Variants in ARL17B observed in about 807,000 individuals in gnomAD.
ARL17B encodes ARF like GTPase 17B, also known as ADP-ribosylation factor-like protein 17.
intron 4 of ARL17B, among the ~76,000 whole-genome samples, chr17:46,287,894 G>GT (rs1363481570): frequency 3.9e-5 from 6 of 152,230 alleles, no homozygotes; most frequent in Non-Finnish European, 5.9e-5. Flanking sequence ...AAAAGTAAAT[G>GT]TAACAAACGC....
In ARL17B at chr17:46,280,569, C is replaced by CTTTTTTTT. The variant is rs56981193; in HGVS notation, c.*22-5159_*22-5152dup. Reference sequence around the variant, plus strand: ...TTGTTTCCTTATTTTTGATAGCACACTTTTTTTTTTTTTTTTTTTTCCTGA... The same window carrying CTTTTTTTT: ...TTGTTTCCTTATTTTTGATAGCACACTTTTTTTTTTTTTTTTTTTTTTTTTTTTCCTGA... On this transcript the variant is annotated intron_variant, in intron 4 of 4. Transcript: ENST00000570618. 1.3e-4 allele frequency among the ~76,000 whole-genome samples: 15 copies of CTTTTTTTT among 112,014 alleles called. 1 individual carries two copies. The highest frequency in any genetic ancestry group is 2.2e-4 in the Non-Finnish European group (13 of 58,780). The allele number at this position is 112,014 out of a possible 152,430, so 73.5% of individuals were successfully genotyped here.
chr17:46,308,924 A>AT (rs1218137293), intron 3 of ARL17B, among the ~76,000 whole-genome samples: 2 of 66,452 alleles, frequency 3.0e-5, no homozygotes, highest in African/African-American at 7.7e-5. Flanking sequence ...TGTAGTCATA[A>AT]TTTTTTTAAT....
At chr17:46,287,732 G>T (rs77471755) in intron 4 of ARL17B, among the ~76,000 whole-genome samples, 2 of 151,884 alleles carry the variant, frequency 1.3e-5, no homozygotes, top group Admixed American at 6.6e-5. Context: ...CAACATCGGG[G>T]ACATGGTATG....
chr17:46,275,336 C>A, exon 5 of ARL17B: 1 of 890,358 alleles, frequency 1.1e-6, no homozygotes, highest in Non-Finnish European at 1.7e-6. Flanking sequence ...ATAGTTCAGG[C>A]AACAAGATTC....
chr17:46,288,582 G>A (rs977416095), intron 4 of ARL17B, among the ~76,000 whole-genome samples: 11 of 151,936 alleles, frequency 7.2e-5, no homozygotes, highest in African/African-American at 2.4e-4. Flanking sequence ...ACAGGTGTGA[G>A]CCACAGGGCC....
At chr17:46,332,589 A>G (rs758004963), downstream of ARL17B, 6 of 1,292,328 alleles carry the variant, frequency 4.6e-6, 1 homozygote, top group Admixed American at 3.9e-5. Flanking sequence ...TATACTGACA[A>G]ACTCATCTTG....
chr17:46,281,433 A>C, intron 4 of ARL17B, among the ~76,000 whole-genome samples: 1 of 151,934 alleles, frequency 6.6e-6, no homozygotes, highest in African/African-American at 2.4e-5. Context: ...TCTGTGATTC[A>C]GGCTGGAGAG....
At chr17:46,308,948 A>C (rs1211668698) in intron 3 of ARL17B, among the ~76,000 whole-genome samples, 1 of 68,108 alleles carries the variant, frequency 1.5e-5, no homozygotes, top group African/African-American at 3.8e-5. Flanking sequence ...TTTACTAGAT[A>C]AGGCTCAGGC....
In ARL17B at chr17:46,311,084, A is replaced by T. The variant is rs1229081504; in HGVS notation, c.260-11419T>A. 796 of 226,900 alleles carry T rather than the reference A, an allele frequency of 3.5e-3. 51 individuals are homozygous for T. Among genetic ancestry groups the T allele is most frequent in the African/African-American group, 0.033 (712 of 21,620 alleles). The allele number at this position is 226,900 out of a possible 1,614,324, so 14.1% of individuals were successfully genotyped here. A position where few individuals can be genotyped will look rare whatever the true frequency, so the allele number is the denominator to read the frequency against. On this transcript the variant is annotated intron_variant, in intron 3 of 4. Coordinates refer to the ARL17B transcript ENST00000434041. ...GAGGTGGAGTTTGCAGTGAGCCAAG[A>T]TCACACCACTGCACTGCACTCCAGC...
rs1427792992 is a variant in ARL17B, at chr17:46,350,349, AT to A, written c.259+2470del. Among the ~76,000 whole-genome samples, 24 of 81,814 alleles carry A rather than the reference AT, an allele frequency of 2.9e-4. 5 individuals are homozygous for A. The highest frequency in any genetic ancestry group is 8.2e-4 in the African/African-American group (24 of 29,098). The allele number at this position is 81,814 out of a possible 152,430, so 53.7% of individuals were successfully genotyped here. On this transcript the variant is annotated intron_variant, in intron 3 of 3. Transcript: ENST00000450673. The stretch of plus-strand genomic sequence containing the variant: ...TTATATATACTTTGCCACAATAAAA[AT>A]TTTTTTAAAAATGTCTAAGTGTGAC...
chr17:46,281,891 G>T lies in ARL17B; in HGVS notation c.*22-6473C>A, dbSNP rs745976563. ...ACTCCTGACCTCAGGTGATCCACCCGCCTCGGCCTCCCAAAGTGCTGGGAT... is the reference window on the plus strand; with the variant it reads ...ACTCCTGACCTCAGGTGATCCACCCTCCTCGGCCTCCCAAAGTGCTGGGAT... On this transcript the variant is annotated intron_variant, in intron 4 of 4. Transcript: ENST00000570618. Among the ~76,000 whole-genome samples, 72 of 152,138 alleles carry T rather than the reference G, an allele frequency of 4.7e-4. 1 individual carries two copies. Among genetic ancestry groups the T allele is most frequent in the Non-Finnish European group, 1.3e-4 (9 of 68,030 alleles).
chr17:46,288,792 C>T (rs1182437249), intron 4 of ARL17B, among the ~76,000 whole-genome samples: 1 of 151,840 alleles, frequency 6.6e-6, no homozygotes, highest in Non-Finnish European at 1.5e-5. Flanking sequence ...TACCCTGCAC[C>T]TCCCAGGCTC....
intron 4 of ARL17B, among the ~76,000 whole-genome samples, chr17:46,291,752 T>C (rs1480836384): frequency 2.5e-3 from 385 of 151,238 alleles, no homozygotes; most frequent in Non-Finnish European, 4.4e-3. Flanking sequence ...TGGCAAAACC[T>C]TGTCTCTACA....
rs374259163 is a variant in ARL17B at position 46,276,079 on chromosome 17, C to T, written c.*22-661G>A. 9.9e-5 allele frequency among the ~76,000 whole-genome samples: 15 copies of T among 152,260 alleles called. No homozygotes were observed. The East Asian group carries it at 1.4e-3, about 14-fold the overall frequency. Reference sequence around the variant, plus strand: ...CTAATTTTTGTACTTTTTGTAGAGACGAGGTTTCACCATGTTGGCCAGGCT... The same window carrying T: ...CTAATTTTTGTACTTTTTGTAGAGATGAGGTTTCACCATGTTGGCCAGGCT... On this transcript the variant is annotated intron_variant, in intron 4 of 4. Coordinates refer to the ARL17B transcript ENST00000570618.
chr17:46,291,615 T>G (rs2143464896), intron 4 of ARL17B, among the ~76,000 whole-genome samples: 1 of 151,774 alleles, frequency 6.6e-6, no homozygotes, highest in African/African-American at 2.4e-5. Flanking sequence ...AATGAAAATG[T>G]GTAATATGAA....
intron 4 of ARL17B, among the ~76,000 whole-genome samples, chr17:46,278,745 C>T (rs556748116): frequency 6.6e-6 from 1 of 152,196 alleles, no homozygotes. Context: ...TTATATCATT[C>T]CATGCTTTGT....
chr17:46,332,420 C>A (rs2052004727), downstream of ARL17B: 1 of 386,454 alleles, frequency 2.6e-6, no homozygotes. Context: ...CCACGGTACC[C>A]AAGCCTGGGT....
intron 4 of ARL17B, among the ~76,000 whole-genome samples, chr17:46,281,224 C>T (rs1238122014): frequency 1.3e-5 from 2 of 152,092 alleles, no homozygotes; most frequent in Non-Finnish European, 2.9e-5. Context: ...TGACCCCTTG[C>T]TCCCCCCACC....
At position 46,280,309 on chromosome 17, in the gene ARL17B, A is replaced by T. The variant is rs190991389; in HGVS notation, c.*22-4891T>A. On this transcript the variant is annotated intron_variant, in intron 4 of 4. Coordinates refer to the ARL17B transcript ENST00000570618. ...AACGCGGGAAGCGGAGGTTGCAGTGAGGTGAGATTGCACCACTGCACTCCA... is the reference window on the plus strand; with the variant it reads ...AACGCGGGAAGCGGAGGTTGCAGTGTGGTGAGATTGCACCACTGCACTCCA... 7.5e-4 allele frequency among the ~76,000 whole-genome samples: 114 copies of T among 152,240 alleles called. 1 individual carries two copies. The highest frequency in any genetic ancestry group is 2.6e-3 in the African/African-American group (107 of 41,530).
Sources: gnomAD v4.1 joint callset for allele counts (sites outside exome capture counted in the v4.1 genomes callset) on GRCh38, gnomAD v4.1.1 for gene constraint, MANE v1.5 for transcripts, NCBI Gene and HGNC (gene_info 2026-07-23, HGNC 2026-07-21) for gene names.